Variants in RAB4B observed in about 807,000 individuals in gnomAD.
RAB4B encodes RAB4B, member RAS oncogene family.
A neutral mutation model predicts 28.3 loss-of-function variants in RAB4B; 15 were observed. The observed-to-expected ratio is 0.53, with a 90% CI of 0.35 to 0.82. The LOEUF (loss-of-function observed/expected upper bound fraction) is 0.82, where lower values mean the gene tolerates loss of function less well. Ranked by LOEUF, RAB4B falls within the 40% of genes least tolerant of loss-of-function variation. RAB4B has a pLI of 0.01. For synonymous variants in RAB4B, 108 were observed against 116.3 expected (o/e 0.93, Z 0.46); for missense variants, 244 against 288.5 (o/e 0.85, Z 1.12).
intron 7 of RAB4B, chr19:40,796,354 C>CT (rs2083209801): frequency 6.6e-6 from 1 of 152,236 alleles, no homozygotes; most frequent in South Asian, 2.1e-4. Flanking sequence ...AGACAGCTCT[C>CT]TGAGGCAAAC....
intron 3 of RAB4B, among the ~76,000 whole-genome samples, chr19:40,781,308 A>G (rs189227352): frequency 3.7e-4 from 52 of 141,470 alleles, no homozygotes; most frequent in East Asian, 2.8e-3. Context: ...ATAAATAAAT[A>G]AATGAATAAA....
chr19:40,792,931 C>T (rs1372770324), intron 7 of RAB4B, among the ~76,000 whole-genome samples: 1 of 152,132 alleles, frequency 6.6e-6, no homozygotes, highest in East Asian at 1.9e-4. Context: ...CAGGCATGCA[C>T]CACCACACCC....
rs759267784 is a variant in RAB4B, at chr19:40,786,991, G to A, written c.*15+13G>A. 6.2e-6 allele frequency: 10 copies of A among 1,607,220 alleles called. No individual in the cohort carries two copies. The highest frequency in any genetic ancestry group is 2.2e-5 in the South Asian group (2 of 90,822). ...TCTGTGGAGCCAGGTGGGACACTGG[G>A]GGCTTTAGGGAGGCAGGGCGGCCTC... On this transcript the variant is annotated intron_variant, in intron 7 of 7. Coordinates refer to ENST00000357052, the MANE Select transcript of RAB4B (RefSeq NM_016154.5).
At chr19:40,781,638 GGA>G (rs371458951) in intron 3 of RAB4B, among the ~76,000 whole-genome samples, 179 of 150,904 alleles carry the variant, frequency 1.2e-3, no homozygotes, top group African/African-American at 4.1e-3. Context: ...ACGTGTTGTG[GGA>G]GAGAGAGAGA....
At chr19:40,787,459 TG>T (rs886392110) in intron 7 of RAB4B, among the ~76,000 whole-genome samples, 4 of 150,068 alleles carry the variant, frequency 2.7e-5, no homozygotes, top group African/African-American at 9.8e-5. Flanking sequence ...CACTTGAACC[TG>T]GGAGGTGGAG....
Position 40,786,760 on chromosome 19 carries a change from G to C in RAB4B, c.526G>C (p.Gly176Arg), listed in dbSNP as rs760207054. Residue 176 changes from glycine (G) to arginine (R), a missense_variant and splice_region_variant, in exon 6 of 8, where the codon GGC becomes CGC. By Grantham distance (125) the Gly-to-Arg change is moderately radical (BLOSUM62 -2). Transcript: ENST00000357052. The stretch of plus-strand genomic sequence containing the variant: ...CACTATCCTCAACAAGATTGACTCA[G>C]GTGAGGCCCCGACCGGCCCGAGTGG... ...ARTILNKIDSGELDPERMGSG... is the reference protein window; with the variant it reads ...ARTILNKIDSRELDPERMGSG... 6.2e-7 allele frequency: 1 copy of C among 1,614,198 alleles called. No homozygotes were observed. The highest frequency in any genetic ancestry group is 8.5e-7 in the Non-Finnish European group (1 of 1,180,014).
At chr19:40,784,988 T>C (rs1599742891) in intron 5 of RAB4B, among the ~76,000 whole-genome samples, 1 of 152,028 alleles carries the variant, frequency 6.6e-6, no homozygotes, top group African/African-American at 2.4e-5. Context: ...CTAATTTTTA[T>C]ATTTTTAGTA....
Position 40,783,802 on chromosome 19 carries a change from A to C in RAB4B, c.237A>C (p.Arg79=), listed in dbSNP as rs1382959063. Reference sequence around the variant, plus strand: ...GGTCAGTGACGCGGAGTTATTACCGAGGGGCGGCTGGAGCCCTGCTGGTGT... The same window carrying C: ...GGTCAGTGACGCGGAGTTATTACCGCGGGGCGGCTGGAGCCCTGCTGGTGT... ...RFRSVTRSYY[R]GAAGALLVYD... is the part of the protein sequence containing the mutation. Residue 79 remains arginine (R), a synonymous_variant, in exon 4 of 8, where the codon CGA becomes CGC. Transcript: ENST00000357052. 7.6e-7 allele frequency: 1 copy of C among 1,316,972 alleles called. No homozygotes were observed. The highest frequency in any genetic ancestry group is 9.9e-7 in the Non-Finnish European group (1 of 1,005,098). 81.6% of individuals were successfully genotyped at this position (1,316,972 alleles called of 1,614,324 possible).
chr19:40,794,402 A>G (rs1203091454), intron 7 of RAB4B: 1 of 139,318 alleles, frequency 7.2e-6, no homozygotes, highest in Non-Finnish European at 1.6e-5. Flanking sequence ...TTTTTAAATA[A>G]TGTTTTAATT....
Position 40,780,455 on chromosome 19 carries a change from T to C in RAB4B, c.168T>C (p.Thr56=), listed in dbSNP as rs1352998190. 4 of 1,613,582 alleles carry C rather than the reference T, an allele frequency of 2.5e-6. No homozygotes were observed. Among genetic ancestry groups the C allele is most frequent in the East Asian group, 4.5e-5 (2 of 44,856 alleles). Reference sequence around the variant, plus strand: ...GGGTGGTCAACGTGGGTGGGAAGACTGTGAAGCTACAGATTTGGGACACGG... The same window carrying C: ...GGGTGGTCAACGTGGGTGGGAAGACCGTGAAGCTACAGATTTGGGACACGG... The part of the protein sequence containing the change: ...GSRVVNVGGK[T]VKLQIWDTAG... The change falls in exon 3 of 8, where the codon ACT becomes ACC. Residue 56 remains threonine (T), a synonymous_variant. Coordinates refer to ENST00000357052, the MANE Select transcript of RAB4B (RefSeq NM_016154.5).
intron 3 of RAB4B, among the ~76,000 whole-genome samples, chr19:40,782,761 C>G (rs1269811374): frequency 6.6e-6 from 1 of 151,788 alleles, no homozygotes; most frequent in Non-Finnish European, 1.5e-5. Context: ...TGCAGTGAGC[C>G]AAGATCACGC....
At position 40,783,757 on chromosome 19, in the gene RAB4B, TG is replaced by T; in HGVS notation, c.213-18del. On this transcript the variant is annotated intron_variant, in intron 3 of 7. Transcript: ENST00000357052. ...GGCAGACCCCAGCCTTGGGGGTGAC[TG>T]GGTCCCCCTGGCCCCACAGGTCAGT... 2 of 1,472,546 alleles carry T rather than the reference TG, an allele frequency of 1.4e-6. No homozygotes were observed. The highest frequency in any genetic ancestry group is 1.3e-5 in the South Asian group (1 of 79,852). 91.2% of individuals were successfully genotyped at this position (1,472,546 alleles called of 1,614,324 possible). A position where few individuals can be genotyped will look rare whatever the true frequency, so the allele number is the denominator to read the frequency against.
Position 40,778,318 on chromosome 19 carries a change from C to T in RAB4B, c.-58C>T, listed in dbSNP as rs2083014334. On this transcript the variant is annotated 5_prime_UTR_variant, in exon 1 of 8. Coordinates refer to ENST00000357052, the MANE Select transcript of RAB4B (RefSeq NM_016154.5). Reference sequence around the variant, plus strand: ...TAGCCGGAGTGGAGCGGCTGCCAGCCGAGGAGCAGGCGCGGCCGCGGCGCC... The same window carrying T: ...TAGCCGGAGTGGAGCGGCTGCCAGCTGAGGAGCAGGCGCGGCCGCGGCGCC... The T allele has an allele frequency of 2.0e-6, 3 of 1,478,042 alleles. No individual in the cohort carries two copies. The highest frequency in any genetic ancestry group is 2.8e-5 in the East Asian group (1 of 36,072). The allele number at this position is 1,478,042 out of a possible 1,614,324, so 91.6% of individuals were successfully genotyped here.
chr19:40,778,426 T>A, intron 1 of RAB4B, 35 bp downstream of exon 1: 1 of 1,433,636 alleles, frequency 7.0e-7, no homozygotes, highest in Non-Finnish European at 9.1e-7. Flanking sequence ...GTCCTGGGTC[T>A]GGGCCCAGGG....
rs181996698 is a variant in RAB4B, at chr19:40,787,037, G to A, written c.*15+59G>A. 1,236 of 1,377,762 alleles carry A rather than the reference G, an allele frequency of 9.0e-4. 3 individuals carry two copies. The highest frequency in any genetic ancestry group is 1.8e-3 in the Middle Eastern group (8 of 4,498). The allele number at this position is 1,377,762 out of a possible 1,614,324, so 85.3% of individuals were successfully genotyped here. A position where few individuals can be genotyped will look rare whatever the true frequency, so the allele number is the denominator to read the frequency against. ...GCCTCTTGGGCATGGGGGAGATGGT[G>A]TGGAGATAGACACTGAACATGTGAT... On this transcript the variant is annotated intron_variant, in intron 7 of 7. Coordinates refer to ENST00000357052, the MANE Select transcript of RAB4B (RefSeq NM_016154.5).
At chr19:40,780,651 G>A in intron 3 of RAB4B, 152 bp downstream of exon 3, 1 of 654,854 alleles carries the variant, frequency 1.5e-6, no homozygotes, top group Non-Finnish European at 2.7e-6. Flanking sequence ...ATATATCCAA[G>A]GAGAGAGGGA....
At position 40,786,682 on chromosome 19, in the gene RAB4B, A is replaced by G. The variant is rs755859199; in HGVS notation, c.448A>G (p.Thr150Ala). ...CCCTGCAGAGCTGATGTTCCTGGAG[A>G]CCAGCGCTCTCACAGGCGAGAACGT... ...AQENELMFLE[T>A]SALTGENVEE... Residue 150 changes from threonine (T) to alanine (A), a missense_variant, in exon 6 of 8, where the codon ACC becomes GCC. By Grantham distance (58) the Thr-to-Ala change is moderately conservative (BLOSUM62 0). Transcript: ENST00000357052. 1 of 1,613,998 alleles carries G rather than the reference A, an allele frequency of 6.2e-7. No homozygotes were observed. The highest frequency in any genetic ancestry group is 2.2e-5 in the East Asian group (1 of 44,870).
chr19:40,792,591 C>T (rs921913069), intron 7 of RAB4B: 3 of 152,136 alleles, frequency 2.0e-5, no homozygotes, highest in Non-Finnish European at 4.4e-5. Flanking sequence ...TGTAGCAGAT[C>T]CCACCCACAT....
intron 5 of RAB4B, chr19:40,786,202 G>A (rs977320108): frequency 5.7e-5 from 13 of 229,186 alleles, no homozygotes; most frequent in African/African-American, 2.6e-4. Context: ...CTCAGGGGTG[G>A]AATGGGGCAG....
Sources: allele counts gnomAD v4.1 joint callset (sites outside exome capture counted in the v4.1 genomes callset), GRCh38; gene constraint gnomAD v4.1.1; transcripts MANE v1.5; gene names NCBI Gene and HGNC (gene_info 2026-07-23, HGNC 2026-07-21).